ZBTB20: variants seen among roughly 807,000 people sequenced by gnomAD.
The protein encoded by ZBTB20 is zinc finger and BTB domain containing 20.
Under a neutral mutation model 56.9 loss-of-function variants are expected in ZBTB20, and 9 were observed. The observed-to-expected ratio is 0.16, with a 90% CI of 0.10 to 0.28. The LOEUF is 0.28. Ranked by LOEUF, ZBTB20 falls within the 10% of genes least tolerant of loss-of-function variation. The pLI is 1.00. For missense variants in ZBTB20, 655 were observed against 1,003.0 expected, an observed-to-expected ratio of 0.65 and a Z score of 4.69; for synonymous variants, 417 against 420.7, an observed-to-expected ratio of 0.99 and a Z score of 0.11.
intron 7 of ZBTB20, among the ~76,000 whole-genome samples, chr3:114,475,530 GT>G (rs1222197420): frequency 6.6e-6 from 1 of 152,022 alleles, no homozygotes; most frequent in Non-Finnish European, 1.5e-5. Context: ...ATCAAAACAT[GT>G]TTTTTTGTTT....
At chr3:115,143,480 C>A (rs2084877856) in intron 1 of ZBTB20, among the ~76,000 whole-genome samples, 1 of 151,892 alleles carries the variant, frequency 6.6e-6, no homozygotes, top group Non-Finnish European at 1.5e-5. Flanking sequence ...ACAGCCTGGG[C>A]AATAAAAGGA....
chr3:115,089,962 G>A (rs1378521824), intron 1 of ZBTB20, among the ~76,000 whole-genome samples: 1 of 151,750 alleles, frequency 6.6e-6, no homozygotes, highest in Middle Eastern at 3.2e-3. Context: ...ATAAATTCAG[G>A]TGTGACAGTA....
intron 3 of ZBTB20, among the ~76,000 whole-genome samples, chr3:114,972,000 G>T (rs564149680): frequency 3.3e-4 from 50 of 151,766 alleles, no homozygotes; most frequent in African/African-American, 1.1e-3. Flanking sequence ...AATATTACTG[G>T]AAATCTACAC....
In ZBTB20 at chr3:114,350,851, G is replaced by T. The variant is rs752264828; in HGVS notation, c.1227C>A (p.Pro409=). 2.5e-6 allele frequency: 4 copies of T among 1,611,126 alleles called. No individual in the cohort carries two copies. Among genetic ancestry groups the T allele is most frequent in the African/African-American group, 2.7e-5 (2 of 74,906 alleles). ...CAGCGGGGGCTTCTGCAGCCTGCTC[G>T]GGTTGGGTGGGTTCAGCCTGGCTGT... ...ARDSQAEPTQ[P]EQAAEAPAEG... is the part of the protein sequence containing the mutation. Residue 409 remains proline (P), a synonymous_variant, in exon 11 of 12, where the codon CCC becomes CCA. Coordinates refer to ENST00000675478, the MANE Select transcript of ZBTB20 (RefSeq NM_001348800.3).
In ZBTB20 at chr3:114,339,326, C is replaced by T; in HGVS notation, c.1905G>A (p.Gln635=). ...MVTHTGVRAY[Q]CSICNKRFTQ... ...TGAAGCGCTTGTTGCAGATACTACA[C>T]TGGTATGCCCTCACTCCTGTGTGTG... Residue 635 remains glutamine, a synonymous_variant, in exon 12 of 12, where the codon CAG becomes CAA. Transcript: ENST00000675478. The surrounding 1 kb of genome is among the most constrained non-coding windows in gnomAD (Gnocchi z 4.2). 1 of 1,614,190 alleles carries T rather than the reference C, an allele frequency of 6.2e-7. No individual in the cohort carries two copies. Among genetic ancestry groups the T allele is most frequent in the Non-Finnish European group, 8.5e-7 (1 of 1,180,050 alleles).
intron 1 of ZBTB20, among the ~76,000 whole-genome samples, chr3:115,099,670 T>A (rs184277173): frequency 5.9e-5 from 9 of 152,300 alleles, no homozygotes; most frequent in African/African-American, 2.2e-4. Context: ...ATATGGACTT[T>A]AAACTTCAAC....
chr3:114,793,471 G>C (rs1195032074), intron 5 of ZBTB20, among the ~76,000 whole-genome samples: 1 of 152,042 alleles, frequency 6.6e-6, no homozygotes, highest in South Asian at 2.1e-4. Context: ...ATGCAGAAAT[G>C]AAAGTCTAAT....
At chr3:115,124,674 T>C (rs2108653072) in intron 1 of ZBTB20, among the ~76,000 whole-genome samples, 1 of 152,246 alleles carries the variant, frequency 6.6e-6, no homozygotes, top group African/African-American at 2.4e-5. Flanking sequence ...ACAGAGCCTA[T>C]AAACAGGCCC....
intron 7 of ZBTB20, among the ~76,000 whole-genome samples, chr3:114,470,807 C>T (rs375489588): frequency 2.2e-4 from 34 of 152,188 alleles, no homozygotes; most frequent in Middle Eastern, 6.8e-3. Context: ...ATTGACCATC[C>T]TTTCTTAATA....
At chr3:114,928,211 T>TCGTCTG (rs1242867211) in intron 3 of ZBTB20, among the ~76,000 whole-genome samples, 8 of 152,296 alleles carry the variant, frequency 5.3e-5, no homozygotes, top group African/African-American at 1.9e-4. Context: ...CTGGCTGGAG[T>TCGTCTG]AGCTTTATCT....
At chr3:114,731,813 C>A (rs1484033880) in intron 5 of ZBTB20, among the ~76,000 whole-genome samples, 11 of 149,136 alleles carry the variant, frequency 7.4e-5, no homozygotes, top group Non-Finnish European at 1.5e-5. Flanking sequence ...GTAACTAATC[C>A]GGCTGTGCCT....
chr3:114,380,251 C>T lies in ZBTB20; in HGVS notation c.165G>A (p.Leu55=), dbSNP rs1314076606. 9.1e-6 allele frequency: 14 copies of T among 1,536,838 alleles called. No individual in the cohort carries two copies. Among genetic ancestry groups the T allele is most frequent in the Non-Finnish European group, 1.2e-5 (14 of 1,146,802 alleles). The part of the protein sequence containing the change: ...DPALIHSTHS[L]TNSHAHTGSS... ...ACCCGGTGTGAGCGTGAGAGTTTGT[C>T]AGTGAATGTGTTGAGTGGATGAGGG... is the stretch of plus-strand genomic sequence containing the variant. Residue 55 remains leucine (L), a synonymous_variant, in exon 10 of 12, where the codon CTG becomes CTA. Coordinates refer to ENST00000675478, the MANE Select transcript of ZBTB20 (RefSeq NM_001348800.3).
chr3:114,812,545 T>C (rs2072614244), intron 4 of ZBTB20, among the ~76,000 whole-genome samples: 2 of 152,112 alleles, frequency 1.3e-5, no homozygotes, highest in South Asian at 2.1e-4. Flanking sequence ...TAGCCAGATA[T>C]AGAGTGTCGA....
chr3:114,507,016 CAG>C (rs2044701045), intron 6 of ZBTB20, among the ~76,000 whole-genome samples: 1 of 152,124 alleles, frequency 6.6e-6, no homozygotes, highest in African/African-American at 2.4e-5. Context: ...TTTTAGGAGA[CAG>C]AGATGACAGA....
At chr3:114,616,174 A>T (rs898924763) in intron 6 of ZBTB20, among the ~76,000 whole-genome samples, 2 of 152,160 alleles carry the variant, frequency 1.3e-5, no homozygotes, top group African/African-American at 4.8e-5. Context: ...ATCGATTTCA[A>T]TTCTACCATA....
intron 5 of ZBTB20, among the ~76,000 whole-genome samples, chr3:114,761,960 A>T (rs1471814536): frequency 6.6e-6 from 1 of 152,214 alleles, no homozygotes; most frequent in African/African-American, 2.4e-5. Context: ...ACCACATACA[A>T]CTAAGACTTA....
intron 4 of ZBTB20, among the ~76,000 whole-genome samples, chr3:114,875,778 C>G (rs2076168850): frequency 6.6e-6 from 1 of 152,092 alleles, no homozygotes; most frequent in African/African-American, 2.4e-5. Flanking sequence ...AATAATAACA[C>G]CAGTTCTGCT....
chr3:115,091,865 C>G (rs2083207679), intron 1 of ZBTB20, among the ~76,000 whole-genome samples: 1 of 151,906 alleles, frequency 6.6e-6, no homozygotes, highest in East Asian at 1.9e-4. Context: ...TCAAGAAGCT[C>G]AAGGTTTAGT....
chr3:114,920,910 A>C (rs1175257851), intron 3 of ZBTB20, among the ~76,000 whole-genome samples: 1 of 152,174 alleles, frequency 6.6e-6, no homozygotes, highest in African/African-American at 2.4e-5. Flanking sequence ...TGGACAATTA[A>C]AATGATAGAA....
Sources: allele counts gnomAD v4.1 joint callset (sites outside exome capture counted in the v4.1 genomes callset), GRCh38; gene constraint gnomAD v4.1.1; non-coding constraint Gnocchi (gnomAD v3.1); transcripts MANE v1.5; gene names NCBI Gene and HGNC (gene_info 2026-07-23, HGNC 2026-07-21).